LRIG2: variants seen among roughly 807,000 people sequenced by gnomAD.
LRIG2 encodes leucine rich repeats and immunoglobulin like domains 2.
A neutral mutation model predicts 107.8 loss-of-function variants in LRIG2; 93 were observed. That is an observed-to-expected ratio of 0.86 (90% CI 0.73 to 1.03). The LOEUF is 1.03. Among genes scored for constraint, LRIG2 ranks in the 50% least tolerant of loss-of-function variants. LRIG2 has a pLI of 0.00. For synonymous variants in LRIG2, 471 were observed against 470.6 expected, an observed-to-expected ratio of 1.00 and a Z score of -0.01; for missense variants, 1,226 against 1,296.0, an observed-to-expected ratio of 0.95 and a Z score of 0.83.
rs368990855 is a variant in LRIG2, at chr1:113,119,415, A to G, written c.2863A>G (p.Thr955Ala). The G allele has an allele frequency of 1.3e-4, 207 of 1,614,018 alleles. No individual in the cohort carries two copies. Among genetic ancestry groups the G allele is most frequent in the Non-Finnish European group, 1.7e-4 (205 of 1,180,036 alleles). Residue 955 changes from threonine (T) to alanine (A), a missense_variant, in exon 17 of 18, where the codon ACT becomes GCT. Around this residue, in one of 3 missense-constraint regions of LRIG2, gnomAD observed 642 missense variants for 712.2 expected, o/e 0.90. Coordinates refer to ENST00000361127, the MANE Select transcript of LRIG2 (RefSeq NM_014813.3). ...TTTAGTACATCCTCCCCAGGATACT[A>G]CTGCCCTAGAGAGCCTGATACCGTC... ...TYLVHPPQDT[T>A]ALESLIPSAN...
chr1:113,107,892 C>A, intron 12 of LRIG2, 135 bp downstream of exon 12: 2 of 752,806 alleles, frequency 2.7e-6, no homozygotes, highest in Non-Finnish European at 4.1e-6. Flanking sequence ...AAAATGATCA[C>A]AGGCATTTTA....
Position 113,123,884 on chromosome 1 carries a change from A to G in LRIG2, c.2981A>G (p.Gln994Arg). 1 of 1,613,922 alleles carries G rather than the reference A, an allele frequency of 6.2e-7. No individual in the cohort carries two copies. Among genetic ancestry groups the G allele is most frequent in the African/African-American group, 1.3e-5 (1 of 75,026 alleles). The change falls in exon 18 of 18, where the codon CAG (glutamine) becomes CGG (arginine). Residue 994 changes from glutamine (Q) to arginine (R), a missense_variant. This residue lies in a region of LRIG2 where 642 missense variants were observed against 712.2 expected (regional missense o/e 0.90). Transcript: ENST00000361127. Reference protein sequence around the residue: ...PSTQMSGETLQRPVWNINREL... With the variant: ...PSTQMSGETLRRPVWNINREL... ...TGTCTTTCATTCTCAGAAACATTGC[A>G]GCGGCCCGTGTGGAACATAAACAGA...
At chr1:113,122,014 C>T (rs1039463714) in intron 17 of LRIG2, among the ~76,000 whole-genome samples, 1 of 151,798 alleles carries the variant, frequency 6.6e-6, no homozygotes, top group South Asian at 2.1e-4. Flanking sequence ...TACTTCATGT[C>T]CCACATTAGA....
intron 17 of LRIG2, among the ~76,000 whole-genome samples, chr1:113,123,582 T>A (rs1230736534): frequency 1.3e-5 from 2 of 151,928 alleles, no homozygotes; most frequent in African/African-American, 4.8e-5. Context: ...CTCAAAAAAA[T>A]AAATAAATAA....
intron 11 of LRIG2, 44 bp downstream of exon 11, chr1:113,100,532 C>G: frequency 1.7e-6 from 2 of 1,161,876 alleles, no homozygotes; most frequent in Non-Finnish European, 2.5e-6. Context: ...GATCATTGTT[C>G]CTGCTTGTTG....
Position 113,121,573 on chromosome 1 carries a change from C to A in LRIG2, c.2971+2050C>A, listed in dbSNP as rs539146369. On this transcript the variant is annotated intron_variant, in intron 17 of 17. Transcript: ENST00000361127. ...CCTGACCAACATGGTGAAACCCCATCTCTTCTAAAAAAATTAAAAATTAGC... is the reference window on the plus strand; with the variant it reads ...CCTGACCAACATGGTGAAACCCCATATCTTCTAAAAAAATTAAAAATTAGC... 1.2e-4 allele frequency among the ~76,000 whole-genome samples: 18 copies of A among 152,164 alleles called. No individual in the cohort carries two copies. The South Asian group carries it at 3.3e-3, about 28-fold the overall frequency.
chr1:113,073,663 G>T lies in LRIG2; in HGVS notation c.239+18G>T, dbSNP rs1462859518. ...GCTATCCTGTGAGTAGAGCGGCCAG[G>T]CAGAGTGACCAAAAGGAGGGGGAGC... On this transcript the variant is annotated intron_variant, in intron 1 of 17. Coordinates refer to ENST00000361127, the MANE Select transcript of LRIG2 (RefSeq NM_014813.3). The T allele has an allele frequency of 1.9e-6, 3 of 1,599,766 alleles. No homozygotes were observed. The highest frequency in any genetic ancestry group is 2.6e-6 in the Non-Finnish European group (3 of 1,172,550).
chr1:113,074,077 G>C (rs571961631), intron 1 of LRIG2, among the ~76,000 whole-genome samples: 2 of 152,230 alleles, frequency 1.3e-5, no homozygotes, highest in Non-Finnish European at 2.9e-5. Flanking sequence ...TCAGGCACGT[G>C]ATTTTATAAT....
At chr1:113,086,962 T>C (rs142745935) in intron 1 of LRIG2, among the ~76,000 whole-genome samples, 21 of 152,282 alleles carry the variant, frequency 1.4e-4, no homozygotes, top group Non-Finnish European at 1.9e-4. Context: ...CTGGGCAACA[T>C]AGGGAGACCC....
chr1:113,075,082 T>TG (rs886096103), intron 1 of LRIG2, among the ~76,000 whole-genome samples: 1 of 151,948 alleles, frequency 6.6e-6, no homozygotes, highest in Non-Finnish European at 1.5e-5. Flanking sequence ...CTGGGTGTGG[T>TG]GGCGCGTGCC....
In LRIG2 at chr1:113,130,776, C is replaced by T. The variant is rs1179326943; in HGVS notation, c.*6675C>T. On this transcript the variant is annotated 3_prime_UTR_variant, in exon 18 of 18. Coordinates refer to ENST00000361127, the MANE Select transcript of LRIG2 (RefSeq NM_014813.3). ...CTAGAGAATTTTGGACTTTGGTTGA[C>T]AAAAGCGGTCTGACCTGTGTTCGTA... 1 of 152,144 alleles carries T rather than the reference C, an allele frequency of 6.6e-6. No homozygotes were observed. Among genetic ancestry groups the T allele is most frequent in the Non-Finnish European group, 1.5e-5 (1 of 68,032 alleles). The allele number at this position is 152,144 out of a possible 1,614,324, so 9.4% of individuals were successfully genotyped here.
At chr1:113,110,669 T>A in intron 13 of LRIG2, 107 bp downstream of exon 13, 1 of 804,996 alleles carries the variant, frequency 1.2e-6, no homozygotes, top group Non-Finnish European at 1.9e-6. Flanking sequence ...AGTAGGACTC[T>A]TACTGTTATT....
intron 1 of LRIG2, among the ~76,000 whole-genome samples, chr1:113,083,849 G>C (rs1653399827): frequency 9.4e-6 from 1 of 105,956 alleles, no homozygotes; most frequent in South Asian, 3.4e-4. Flanking sequence ...GCCAGGGCCT[G>C]TTGTGGGGTG....
chr1:113,077,270 G>A (rs1653022496), intron 1 of LRIG2, among the ~76,000 whole-genome samples: 1 of 151,700 alleles, frequency 6.6e-6, no homozygotes, highest in South Asian at 2.1e-4. Context: ...TCAGCTTCCC[G>A]AGTAGGGATT....
At chr1:113,080,765 AT>A (rs1248057570) in intron 1 of LRIG2, among the ~76,000 whole-genome samples, 1 of 151,654 alleles carries the variant, frequency 6.6e-6, no homozygotes, top group Non-Finnish European at 1.5e-5. Flanking sequence ...GAATCAGGGC[AT>A]TATCTTAGCT....
rs1653973797 is a variant in LRIG2 at position 113,094,709 on chromosome 1, A to C, written c.757A>C (p.Lys253Gln). The change falls in exon 6 of 18, where the codon AAA (lysine) becomes CAA (glutamine). Residue 253 changes from lysine to glutamine, a missense_variant. By Grantham distance (53) the Lys-to-Gln change is moderately conservative (BLOSUM62 1). This residue lies in a region of LRIG2 where 570 missense variants were observed against 550.2 expected (regional missense o/e 1.04). Coordinates refer to ENST00000361127, the MANE Select transcript of LRIG2 (RefSeq NM_014813.3). The part of the protein sequence containing the change: ...SLKMQRNGIS[K>Q]LKDGAFFGLN... ...GAAAATGCAGCGGAATGGAATTAGCAAACTTAAGGATGGAGCATTTTTTGG... is the reference window on the plus strand; with the variant it reads ...GAAAATGCAGCGGAATGGAATTAGCCAACTTAAGGATGGAGCATTTTTTGG... The C allele has an allele frequency of 6.2e-7, 1 of 1,613,902 alleles. No homozygotes were observed. The highest frequency in any genetic ancestry group is 8.5e-7 in the Non-Finnish European group (1 of 1,179,958).
chr1:113,121,537 T>C (rs1655256368), intron 17 of LRIG2, among the ~76,000 whole-genome samples: 2 of 151,578 alleles, frequency 1.3e-5, no homozygotes, highest in South Asian at 2.1e-4. Context: ...AGGTCAGGAG[T>C]TCGAGACCAG....
intron 2 of LRIG2, among the ~76,000 whole-genome samples, chr1:113,091,784 T>C (rs1453034418): frequency 6.6e-6 from 1 of 152,244 alleles, no homozygotes; most frequent in East Asian, 1.9e-4. Context: ...TAGAGTATTC[T>C]TGATATCATA....
chr1:113,124,684 C>G lies in LRIG2; in HGVS notation c.*583C>G, dbSNP rs1236143753. The G allele has an allele frequency of 6.5e-6, 1 of 152,938 alleles. No homozygotes were observed. The highest frequency in any genetic ancestry group is 2.4e-5 in the African/African-American group (1 of 41,324). The allele number at this position is 152,938 out of a possible 1,614,324, so 9.5% of individuals were successfully genotyped here. On this transcript the variant is annotated 3_prime_UTR_variant, in exon 18 of 18. Coordinates refer to ENST00000361127, the MANE Select transcript of LRIG2 (RefSeq NM_014813.3). ...AATTTTTTTTTTTGTCCCTATTGCC[C>G]AGGGATGTCATTGTAAATATATGTG...
Sources: allele counts gnomAD v4.1 joint callset (sites outside exome capture counted in the v4.1 genomes callset), GRCh38; gene constraint gnomAD v4.1.1; regional missense constraint gnomAD v4.1.1; transcripts MANE v1.5; gene names NCBI Gene and HGNC (gene_info 2026-07-23, HGNC 2026-07-21).